The following COL23A1 variants were observed in gnomAD, a reference collection of about 807,000 sequenced individuals.
COL23A1 encodes the protein collagen type XXIII alpha 1 chain, also known as collagen alpha-1(XXIII) chain.
A neutral mutation model predicts 99.3 loss-of-function variants in COL23A1; 97 were observed. That is an observed-to-expected ratio of 0.98 (90% CI 0.83 to 1.16). The LOEUF is 1.16. COL23A1 is among the 50% of genes most tolerant of loss of function. The probability of loss-of-function intolerance (pLI) is 0.00; values close to 1 mark genes in which losing one functional copy is unlikely to be tolerated. For synonymous variants in COL23A1, 320 were observed against 308.2 expected (o/e 1.04, Z -0.40); for missense variants, 762 against 757.4 (o/e 1.01, Z -0.07).
chr5:178,466,797 C>T (rs1756446205), intron 2 of COL23A1, among the ~76,000 whole-genome samples: 1 of 152,334 alleles, frequency 6.6e-6, no homozygotes, highest in African/African-American at 2.4e-5. Flanking sequence ...TCTGGCCGTG[C>T]CAGGCTGGCC....
At chr5:178,380,682 G>A (rs116586704) in intron 2 of COL23A1, among the ~76,000 whole-genome samples, 1 of 152,192 alleles carries the variant, frequency 6.6e-6, no homozygotes, top group Non-Finnish European at 1.5e-5. Flanking sequence ...TGAACAGCAC[G>A]GCCCTGGCTA....
intron 2 of COL23A1, among the ~76,000 whole-genome samples, chr5:178,386,534 C>T (rs1033193951): frequency 2.6e-5 from 4 of 151,928 alleles, no homozygotes; most frequent in African/African-American, 9.7e-5. Context: ...CCATTTTTGG[C>T]CATTTGCTTC....
intron 2 of COL23A1, among the ~76,000 whole-genome samples, chr5:178,482,478 G>C (rs1331063437): frequency 6.6e-6 from 1 of 152,216 alleles, no homozygotes; most frequent in Non-Finnish European, 1.5e-5. Flanking sequence ...ATCGTTTAAT[G>C]GGTATGGAGT....
chr5:178,410,130 C>T (rs182714032), intron 2 of COL23A1, among the ~76,000 whole-genome samples: 1 of 152,278 alleles, frequency 6.6e-6, no homozygotes, highest in East Asian at 1.9e-4. Flanking sequence ...ATTAGAAATG[C>T]TTACATAATA....
chr5:178,507,778 A>G (rs1031963509), intron 2 of COL23A1, among the ~76,000 whole-genome samples: 1 of 152,188 alleles, frequency 6.6e-6, no homozygotes, highest in Non-Finnish European at 1.5e-5. Context: ...CAGATTTCGG[A>G]AAGTGGATTT....
At chr5:178,394,614 A>C (rs1764130004) in intron 2 of COL23A1, among the ~76,000 whole-genome samples, 3 of 152,200 alleles carry the variant, frequency 2.0e-5, no homozygotes, top group Admixed American at 2.0e-4. Flanking sequence ...AATCATCCTT[A>C]GCTAGCATTT....
In COL23A1 at chr5:178,328,503, C is replaced by T. The variant is rs1011867025; in HGVS notation, c.362-21584G>A. On this transcript the variant is annotated intron_variant, in intron 2 of 28. Coordinates refer to ENST00000390654, the MANE Select transcript of COL23A1 (RefSeq NM_173465.4). The stretch of plus-strand genomic sequence containing the variant: ...ATTCCCACGAACTTGGGTAACTCAA[C>T]GGCTCTGGGCCTTAGTTTTCCCACC... Among the ~76,000 whole-genome samples the T allele has an allele frequency of 5.3e-5, 8 of 152,326 alleles. No individual in the cohort carries two copies. In the East Asian group the frequency reaches 9.6e-4, roughly 18 times the overall value.
chr5:178,290,918 A>G (rs1002915949), intron 3 of COL23A1, among the ~76,000 whole-genome samples: 6 of 152,222 alleles, frequency 3.9e-5, no homozygotes, highest in African/African-American at 1.4e-4. Context: ...GGGCTCACAG[A>G]GAACCCTTAT....
At chr5:178,510,164 T>G (rs772687969) in intron 2 of COL23A1, among the ~76,000 whole-genome samples, 3 of 152,356 alleles carry the variant, frequency 2.0e-5, no homozygotes, top group Non-Finnish European at 4.4e-5. Flanking sequence ...AAGAAAACAT[T>G]TTTCTTCTTA....
intron 1 of COL23A1, among the ~76,000 whole-genome samples, chr5:178,566,058 G>T (rs150803507): frequency 2.8e-3 from 425 of 152,230 alleles, no homozygotes; most frequent in Non-Finnish European, 5.2e-3. Flanking sequence ...AACCCGGAAG[G>T]CAGAGGTTGC....
At chr5:178,373,276 C>T (rs924104224) in intron 2 of COL23A1, among the ~76,000 whole-genome samples, 6 of 152,230 alleles carry the variant, frequency 3.9e-5, no homozygotes, top group Non-Finnish European at 7.3e-5. Flanking sequence ...GCAGCAGTAA[C>T]ACCACAGGGT....
At position 178,281,960 on chromosome 5, in the gene COL23A1, G is replaced by A. The variant is rs562005944; in HGVS notation, c.441+6364C>T. Among the ~76,000 whole-genome samples the A allele has an allele frequency of 6.7e-6, 1 of 148,246 alleles. No homozygotes were observed. Among genetic ancestry groups the A allele is most frequent in the Admixed American group, 6.9e-5 (1 of 14,492 alleles). On this transcript the variant is annotated intron_variant, in intron 5 of 28. Coordinates refer to ENST00000390654, the MANE Select transcript of COL23A1 (RefSeq NM_173465.4). This position sits in a 1 kb window ranked among gnomAD's most constrained non-coding sequence, Gnocchi z 4.0. ...CTAGCTACTTGGGAGGCTGAGGCAC[G>A]AGAATCACTTGAACCCAGGAGGCGA...
At chr5:178,518,706 C>T (rs1305968833) in intron 2 of COL23A1, among the ~76,000 whole-genome samples, 3 of 145,812 alleles carry the variant, frequency 2.1e-5, no homozygotes, top group Admixed American at 6.8e-5. Flanking sequence ...CGATGGGCGG[C>T]CAGGCAGAGA....
At chr5:178,392,459 C>T (rs530837992) in intron 2 of COL23A1, among the ~76,000 whole-genome samples, 4 of 152,292 alleles carry the variant, frequency 2.6e-5, no homozygotes, top group South Asian at 2.1e-4. Context: ...AACCTTACAA[C>T]GAAACAGGGC....
chr5:178,531,033 A>T lies in COL23A1; in HGVS notation c.361+29649T>A, dbSNP rs566925301. Among the ~76,000 whole-genome samples the T allele has an allele frequency of 2.6e-5, 4 of 152,086 alleles. No individual in the cohort carries two copies. In the East Asian group the frequency reaches 7.7e-4, roughly 29 times the overall value. On this transcript the variant is annotated intron_variant, in intron 2 of 28. Coordinates refer to ENST00000390654, the MANE Select transcript of COL23A1 (RefSeq NM_173465.4). ...CAGGCACGCGCCACCACGCCTGGCT[A>T]ATTTTGTATTTTTTAGTAGACACGG... is the stretch of plus-strand genomic sequence containing the variant.
chr5:178,588,232 A>C (rs916728923), intron 1 of COL23A1, among the ~76,000 whole-genome samples: 12 of 152,268 alleles, frequency 7.9e-5, no homozygotes, highest in African/African-American at 2.6e-4. Context: ...AGCCTGGGAG[A>C]GCAACTGCAG....
intron 3 of COL23A1, among the ~76,000 whole-genome samples, chr5:178,292,672 T>C (rs1000062309): frequency 2.0e-5 from 3 of 152,082 alleles, no homozygotes; most frequent in African/African-American, 7.2e-5. Context: ...CAGCTGGTGG[T>C]GGCAGTGGAA....
intron 2 of COL23A1, among the ~76,000 whole-genome samples, chr5:178,431,598 G>C (rs1474985756): frequency 6.6e-6 from 1 of 152,232 alleles, no homozygotes; most frequent in Non-Finnish European, 1.5e-5. Context: ...AGCAGAGACT[G>C]GAGTGATGCA....
intron 5 of COL23A1, among the ~76,000 whole-genome samples, chr5:178,285,377 A>G (rs1757097822): frequency 6.6e-6 from 1 of 152,236 alleles, no homozygotes; most frequent in African/African-American, 2.4e-5. Flanking sequence ...GAAGTTTACT[A>G]AGCTACAAAA....
Sources: gnomAD v4.1 joint callset for allele counts (sites outside exome capture counted in the v4.1 genomes callset) on GRCh38, gnomAD v4.1.1 for gene constraint, Gnocchi (gnomAD v3.1) non-coding constraint, MANE v1.5 for transcripts, NCBI Gene and HGNC (gene_info 2026-07-23, HGNC 2026-07-21) for gene names.